ANKRD30A: variants seen among roughly 807,000 people sequenced by gnomAD.
The protein encoded by ANKRD30A is ankyrin repeat domain-containing protein 30A.
ANKRD30A carries 170 observed loss-of-function variants against 166.3 expected under a neutral mutation model. That is an observed-to-expected ratio of 1.02 (90% confidence interval 0.90 to 1.16). The LOEUF (loss-of-function observed/expected upper bound fraction) is 1.16, where lower values mean the gene tolerates loss of function less well. Ranked by LOEUF, ANKRD30A falls within the 50% of genes most tolerant of loss-of-function variation. The pLI is 0.00. For missense variants in ANKRD30A, 1,630 were observed against 1,518.0 expected (o/e 1.07, Z -1.23); for synonymous variants, 564 against 508.9 (o/e 1.11, Z -1.46).
chr10:37,190,251 C>A lies in ANKRD30A; in HGVS notation c.2512+694C>A, dbSNP rs61865171. On this transcript the variant is annotated intron_variant, in intron 25 of 35. Transcript: ENST00000361713. ...GAGATTCAGCCGACTTGGGATTCTG[C>A]ATTTTTAAAAAGTTCTCAGGTGATG... 2.5e-3 allele frequency among the ~76,000 whole-genome samples: 382 copies of A among 151,950 alleles called. 2 individuals carry two copies. The highest frequency in any genetic ancestry group is 3.3e-3 in the Non-Finnish European group (223 of 68,018).
In ANKRD30A at chr10:37,125,657, C is replaced by G. The variant is rs1835949236; in HGVS notation, c.-131C>G. 2 of 403,380 alleles carry G rather than the reference C, an allele frequency of 5.0e-6. No individual in the cohort carries two copies. The highest frequency in any genetic ancestry group is 9.2e-6 in the Non-Finnish European group (2 of 217,560). The allele number at this position is 403,380 out of a possible 1,614,324, so 25.0% of individuals were successfully genotyped here. A position where few individuals can be genotyped will look rare whatever the true frequency, so the allele number is the denominator to read the frequency against. On this transcript the variant is annotated 5_prime_UTR_variant, in exon 1 of 36. Coordinates refer to ENST00000361713, the MANE Select transcript of ANKRD30A (RefSeq NM_052997.3). ...TGAGTGTGCAAGAGCTTGGCGAACA[C>G]AGAACTTTTTACGGGTATCGAGGCG... is the stretch of plus-strand genomic sequence containing the variant.
chr10:37,233,379 A>T (rs552646732), downstream of ANKRD30A, among the ~76,000 whole-genome samples: 1 of 152,162 alleles, frequency 6.6e-6, no homozygotes, highest in African/African-American at 2.4e-5. Context: ...GTTAGTCATG[A>T]TGCACATATG....
intron 1 of ANKRD30A, among the ~76,000 whole-genome samples, chr10:37,126,573 A>G (rs1292110328): frequency 1.3e-5 from 2 of 152,224 alleles, no homozygotes; most frequent in South Asian, 4.1e-4. Flanking sequence ...GAATTTAAGA[A>G]GACTCATTTT....
intron 17 of ANKRD30A, among the ~76,000 whole-genome samples, chr10:37,164,890 A>G (rs1839187199): frequency 3.9e-5 from 6 of 152,086 alleles, no homozygotes; most frequent in Admixed American, 3.3e-4. Context: ...CTGCATTCTA[A>G]TGACATAATG....
chr10:37,201,102 G>C, intron 30 of ANKRD30A, 133 bp from the exon 31 acceptor site: 3 of 555,104 alleles, frequency 5.4e-6, no homozygotes, highest in Non-Finnish European at 5.8e-6. Flanking sequence ...TTTTTTATAC[G>C]TGTCTGCTCT....
chr10:37,158,606 T>A lies in ANKRD30A; in HGVS notation c.1900+20T>A. The A allele has an allele frequency of 6.2e-7, 1 of 1,611,700 alleles. No individual in the cohort carries two copies. Among genetic ancestry groups the A allele is most frequent in the South Asian group, 1.1e-5 (1 of 90,298 alleles). ...AAGCAGGTAAATTTTGTAATTTTAA[T>A]TTTACTCTGGAAAGGAGAATATTAA... On this transcript the variant is annotated intron_variant, in intron 15 of 35. Transcript: ENST00000361713.
In ANKRD30A at chr10:37,165,687, A is replaced by C. The variant is rs1364232629; in HGVS notation, c.2064+532A>C. On this transcript the variant is annotated intron_variant, in intron 18 of 35. Transcript: ENST00000361713. ...CATGAGGAATAGGAAACCTTGTGGG[A>C]GTATAATAACAAGAGTATTGGTTGA... Among the ~76,000 whole-genome samples the C allele has an allele frequency of 2.0e-4, 31 of 152,138 alleles. 1 individual carries two copies. The highest frequency in any genetic ancestry group is 2.0e-3 in the Admixed American group (31 of 15,262).
chr10:37,145,231 C>T (rs1837414488), intron 8 of ANKRD30A, among the ~76,000 whole-genome samples, 175 bp downstream of exon 8: 3 of 151,938 alleles, frequency 2.0e-5, no homozygotes, highest in Non-Finnish European at 4.4e-5. Context: ...AATCCCAGCA[C>T]TTCGGAAGGC....
the ANKRD30A span, chr10:37,261,895 C>T: frequency 6.5e-6 from 1 of 153,136 alleles, no homozygotes; most frequent in Admixed American, 6.6e-5. Flanking sequence ...ATGCCACTGC[C>T]TGTTGATTTG....
chr10:37,178,130 GA>G (rs1324834011), intron 24 of ANKRD30A, among the ~76,000 whole-genome samples: 3 of 151,308 alleles, frequency 2.0e-5, no homozygotes, highest in African/African-American at 7.3e-5. Context: ...GATTGTTTAG[GA>G]AAAGATCGGG....
Position 37,216,228 on chromosome 10 carries a change from A to G in ANKRD30A, c.2917A>G (p.Arg973Gly), listed in dbSNP as rs1220513095. ...CTTGGATACAGTTCATTCTTGTGAA[A>G]GAGCAAGGGAACTTCAAAAAGATCA... ...KILDTVHSCE[R>G]ARELQKDHCE... The change falls in exon 32 of 36, where the codon AGA becomes GGA. Residue 973 changes from arginine (R) to glycine (G), a missense_variant. Coordinates refer to ENST00000361713, the MANE Select transcript of ANKRD30A (RefSeq NM_052997.3). 5.6e-6 allele frequency: 9 copies of G among 1,607,166 alleles called. No individual in the cohort carries two copies. The highest frequency in any genetic ancestry group is 2.2e-5 in the East Asian group (1 of 44,648).
At chr10:37,229,705 T>A (rs1843327870) in intron 34 of ANKRD30A, among the ~76,000 whole-genome samples, 2 of 152,116 alleles carry the variant, frequency 1.3e-5, no homozygotes, top group South Asian at 4.1e-4. Context: ...AATCACTGAC[T>A]TATAAGGAAA....
At chr10:37,189,987 C>T (rs1280904607) in intron 25 of ANKRD30A, among the ~76,000 whole-genome samples, 1 of 151,704 alleles carries the variant, frequency 6.6e-6, no homozygotes, top group Admixed American at 6.6e-5. Flanking sequence ...CTTCTAGAAC[C>T]AAAATTTACC....
chr10:37,212,177 GATACAAA>G (rs1160669170), intron 31 of ANKRD30A, among the ~76,000 whole-genome samples: 30 of 152,074 alleles, frequency 2.0e-4, no homozygotes, highest in African/African-American at 7.0e-4. Flanking sequence ...AAAGTCTCAG[GATACAAA>G]ATCAATGTGC....
intron 25 of ANKRD30A, 66 bp from the exon 26 acceptor site, chr10:37,192,998 C>T (rs932717404): frequency 1.9e-5 from 29 of 1,530,318 alleles, no homozygotes; most frequent in Admixed American, 1.7e-4. Context: ...GTTGACAGTG[C>T]GTGAATGTTC....
chr10:37,265,024 T>G, the ANKRD30A span, among the ~76,000 whole-genome samples: 1 of 152,202 alleles, frequency 6.6e-6, no homozygotes, highest in African/African-American at 2.4e-5. Flanking sequence ...ACAGTTTTGA[T>G]GTTGTACTCT....
chr10:37,258,622 G>A, the ANKRD30A span, among the ~76,000 whole-genome samples: 29 of 149,188 alleles, frequency 1.9e-4, no homozygotes, highest in African/African-American at 7.1e-4. Flanking sequence ...TCGTAGGTGG[G>A]TTATAAAGCT....
At chr10:37,241,491 A>ATCTT in the ANKRD30A span, among the ~76,000 whole-genome samples, 9 of 152,060 alleles carry the variant, frequency 5.9e-5, no homozygotes, top group African/African-American at 2.2e-4. Flanking sequence ...TTTTTAGTGG[A>ATCTT]TCTTACAAAT....
At chr10:37,202,194 G>A (rs1424848771) in intron 31 of ANKRD30A, among the ~76,000 whole-genome samples, 1 of 151,970 alleles carries the variant, frequency 6.6e-6, no homozygotes, top group African/African-American at 2.4e-5. Context: ...TTTAGCCAGC[G>A]GAGAAGAAGA....
Sources: allele counts gnomAD v4.1 joint callset (sites outside exome capture counted in the v4.1 genomes callset), GRCh38; gene constraint gnomAD v4.1.1; transcripts MANE v1.5; gene names NCBI Gene and HGNC (gene_info 2026-07-23, HGNC 2026-07-21).